Variants in RGS6 observed in about 807,000 individuals in gnomAD.
The protein encoded by RGS6 is regulator of G protein signaling 6.
Under a neutral mutation model 78.5 loss-of-function variants are expected in RGS6, and 30 were observed. The ratio of observed to expected loss-of-function variants is 0.38; its 90% CI spans 0.29 to 0.52. RGS6 has a LOEUF of 0.52. RGS6 is among the 20% of genes least tolerant of loss of function. The pLI is 0.85. For synonymous variants in RGS6, 206 were observed against 206.0 expected (o/e 1.00, Z 0.00); for missense variants, 495 against 609.7 (o/e 0.81, Z 1.98).
At chr14:72,291,961 G>A (rs28672120) in intron 2 of RGS6, among the ~76,000 whole-genome samples, 7 of 152,170 alleles carry the variant, frequency 4.6e-5, no homozygotes, top group Admixed American at 1.3e-4. Flanking sequence ...GGACACAAAC[G>A]TCCAGATAGA....
chr14:72,614,340 C>T, the RGS6 span, among the ~76,000 whole-genome samples: 2,046 of 152,356 alleles, frequency 0.013, 39 homozygotes, highest in African/African-American at 0.047. Context: ...CCTTCCCCTT[C>T]ACCTGGTATC....
At chr14:72,123,511 C>T (rs1041304808) in intron 2 of RGS6, among the ~76,000 whole-genome samples, 1 of 152,064 alleles carries the variant, frequency 6.6e-6, no homozygotes, top group Non-Finnish European at 1.5e-5. Context: ...ATGGGGGGAC[C>T]AAACACAGCA....
intron 2 of RGS6, among the ~76,000 whole-genome samples, chr14:72,303,912 G>A (rs2066660629): frequency 6.6e-6 from 1 of 152,146 alleles, no homozygotes; most frequent in Non-Finnish European, 1.5e-5. Context: ...GAGCCCAAAA[G>A]TCTTGAGTTT....
chr14:72,414,765 C>T (rs112464742), intron 3 of RGS6, among the ~76,000 whole-genome samples: 7,132 of 152,270 alleles, frequency 0.047, 422 homozygotes, highest in East Asian at 0.33. Context: ...AGTTTTTCTT[C>T]TATCAGTCAG....
chr14:71,968,072 G>A (rs1431792052), intron 2 of RGS6, among the ~76,000 whole-genome samples: 1 of 152,160 alleles, frequency 6.6e-6, no homozygotes, highest in Non-Finnish European at 1.5e-5. Context: ...TCACATTAAA[G>A]ATCTATTTAA....
At chr14:72,411,433 C>G (rs567680851) in intron 3 of RGS6, among the ~76,000 whole-genome samples, 9 of 152,274 alleles carry the variant, frequency 5.9e-5, no homozygotes, top group Admixed American at 5.9e-4. Context: ...TGAGACTTTG[C>G]TGAAGTTGCT....
chr14:71,967,779 T>G (rs769912487), intron 2 of RGS6, among the ~76,000 whole-genome samples: 5 of 152,232 alleles, frequency 3.3e-5, no homozygotes, highest in Admixed American at 1.3e-4. Flanking sequence ...GGGTAAACTT[T>G]CGAGTAATAA....
intron 17 of RGS6, among the ~76,000 whole-genome samples, chr14:72,551,664 T>C (rs1380284697): frequency 6.6e-6 from 1 of 152,148 alleles, no homozygotes; most frequent in Non-Finnish European, 1.5e-5. Flanking sequence ...CACCTGATAT[T>C]ATGTGACCCT....
the RGS6 span, among the ~76,000 whole-genome samples, chr14:71,886,543 A>G: frequency 6.6e-6 from 1 of 152,228 alleles, no homozygotes; most frequent in Non-Finnish European, 1.5e-5. Context: ...TACACCAGGC[A>G]GAAGTTAGGC....
the RGS6 span, among the ~76,000 whole-genome samples, chr14:71,918,184 C>CAAAAAAAAAAAAAAAA: frequency 3.0e-5 from 1 of 33,724 alleles, no homozygotes; most frequent in Non-Finnish European, 5.7e-5. Flanking sequence ...ACTCCAGTCT[C>CAAAAAAAAAAAAAAAA]AAAAAAAAAA....
chr14:72,567,602 G>A (rs368605805), downstream of RGS6, among the ~76,000 whole-genome samples: 1 of 152,192 alleles, frequency 6.6e-6, no homozygotes, highest in African/African-American at 2.4e-5. Flanking sequence ...CCCTTCTGGG[G>A]ACCTGTGGCA....
At chr14:72,138,619 G>A (rs2096488762) in intron 2 of RGS6, among the ~76,000 whole-genome samples, 1 of 152,042 alleles carries the variant, frequency 6.6e-6, no homozygotes, top group Non-Finnish European at 1.5e-5. Context: ...CAGGAGGTGA[G>A]CAGTGGGCGA....
chr14:72,314,862 T>C (rs560625824), intron 2 of RGS6, among the ~76,000 whole-genome samples: 24 of 152,338 alleles, frequency 1.6e-4, no homozygotes, highest in African/African-American at 5.8e-4. Flanking sequence ...ATGTGGCTTA[T>C]AGAAAATTTA....
chr14:72,379,450 A>C (rs986118400), intron 3 of RGS6, among the ~76,000 whole-genome samples: 2 of 152,036 alleles, frequency 1.3e-5, no homozygotes, highest in South Asian at 4.1e-4. Flanking sequence ...ATATCAAAAA[A>C]CTCTTAGAAC....
At chr14:72,549,875 A>C (rs1183429930) in intron 17 of RGS6, among the ~76,000 whole-genome samples, 3 of 150,720 alleles carry the variant, frequency 2.0e-5, no homozygotes, top group South Asian at 4.2e-4. Flanking sequence ...CCCACAAAAA[A>C]CCCCCCAGAG....
chr14:72,493,451 T>A, intron 12 of RGS6, among the ~76,000 whole-genome samples: 1 of 150,362 alleles, frequency 6.7e-6, no homozygotes, highest in African/African-American at 2.4e-5. Context: ...GACAAGGAGA[T>A]GAAAAATGGG....
chr14:72,555,644 C>T (rs1014533959), intron 17 of RGS6, among the ~76,000 whole-genome samples: 3 of 152,182 alleles, frequency 2.0e-5, no homozygotes, highest in South Asian at 2.1e-4. Flanking sequence ...GGGCATGGGT[C>T]GTGAAGGCCG....
intron 15 of RGS6, among the ~76,000 whole-genome samples, chr14:72,519,534 A>G (rs1341571440): frequency 6.6e-6 from 1 of 152,190 alleles, no homozygotes; most frequent in Non-Finnish European, 1.5e-5. Context: ...ATCATCCAGA[A>G]TTACCTTGTC....
intron 3 of RGS6, among the ~76,000 whole-genome samples, chr14:72,453,144 G>A (rs957763981): frequency 6.6e-6 from 1 of 152,174 alleles, no homozygotes; most frequent in African/African-American, 2.4e-5. Flanking sequence ...GAGGAAGTCA[G>A]AGAGGGGCAA....
Sources: gnomAD v4.1 joint callset for allele counts (sites outside exome capture counted in the v4.1 genomes callset) on GRCh38, gnomAD v4.1.1 for gene constraint, MANE v1.5 for transcripts, NCBI Gene and HGNC (gene_info 2026-07-23, HGNC 2026-07-21) for gene names.